CD53: variants seen among roughly 807,000 people sequenced by gnomAD.
CD53 encodes the protein CD53 molecule.
In CD53, 20 loss-of-function variants were observed where a neutral mutation model predicts 27.3. That is an observed-to-expected ratio of 0.73 (90% CI 0.52 to 1.07). The LOEUF (loss-of-function observed/expected upper bound fraction) is 1.07. Ranked by LOEUF, CD53 falls within the 50% of genes least tolerant of loss-of-function variation. CD53 has a pLI of 0.00. For missense variants in CD53, 216 were observed against 264.0 expected (o/e 0.82, Z 1.26); for synonymous variants, 106 against 105.3 (o/e 1.01, Z -0.04).
Position 110,899,111 on chromosome 1 carries a change from A to C in CD53, c.589-13A>C. ...CTTATGAAGACTTCAAATTTTCCCA[A>C]CTCTTTTCACAGGTGTTGGGGATGT... On this transcript the variant is annotated splice_polypyrimidine_tract_variant and intron_variant, in intron 7 of 7. Transcript: ENST00000271324. 6.2e-7 allele frequency: 1 copy of C among 1,611,000 alleles called. No individual in the cohort carries two copies. The highest frequency in any genetic ancestry group is 8.5e-7 in the Non-Finnish European group (1 of 1,178,104).
At chr1:110,895,164 C>T (rs1456859924) in intron 5 of CD53, 109 bp downstream of exon 5, 1 of 774,808 alleles carries the variant, frequency 1.3e-6, no homozygotes, top group East Asian at 2.6e-5. Flanking sequence ...AGGTCCACAT[C>T]CCTGAATCCC....
At chr1:110,875,339 G>C (rs1465891605) in intron 1 of CD53, among the ~76,000 whole-genome samples, 3 of 152,184 alleles carry the variant, frequency 2.0e-5, no homozygotes, top group African/African-American at 7.2e-5. Context: ...CCTAGGTCCA[G>C]CTCTGGGTGG....
intron 1 of CD53, among the ~76,000 whole-genome samples, chr1:110,886,869 A>ATATATATATATATATATATTTTT (rs1298376721): frequency 8.3e-4 from 69 of 82,734 alleles, no homozygotes; most frequent in Non-Finnish European, 1.3e-3. Context: ...ATATATATAT[A>ATATATATATATATATATATTTTT]TTTTTTTTTT....
chr1:110,890,612 C>G lies in CD53; in HGVS notation c.-17-780C>G, dbSNP rs139289690. ...AAGAGAAAGAGAAAGGAAAGGAAAGCGAAAAGGAAAAGTCAAAATTCTGTA... is the reference window on the plus strand; with the variant it reads ...AAGAGAAAGAGAAAGGAAAGGAAAGGGAAAAGGAAAAGTCAAAATTCTGTA... On this transcript the variant is annotated intron_variant, in intron 1 of 7. Coordinates refer to ENST00000271324, the MANE Select transcript of CD53 (RefSeq NM_000560.4). 3.1e-3 allele frequency among the ~76,000 whole-genome samples: 430 copies of G among 136,614 alleles called. 2 individuals are homozygous for G. The highest frequency in any genetic ancestry group is 0.011 in the African/African-American group (414 of 38,706). The allele number at this position is 136,614 out of a possible 152,430, so 89.6% of individuals were successfully genotyped here. A position where few individuals can be genotyped will look rare whatever the true frequency, so the allele number is the denominator to read the frequency against.
At chr1:110,891,733 C>T (rs911726399) in intron 2 of CD53, among the ~76,000 whole-genome samples, 2 of 152,192 alleles carry the variant, frequency 1.3e-5, no homozygotes, top group Non-Finnish European at 2.9e-5. Context: ...CTACTCGTAG[C>T]TAACATATAT....
At chr1:110,894,013 C>T (rs558416542) in intron 3 of CD53, among the ~76,000 whole-genome samples, 62 of 152,294 alleles carry the variant, frequency 4.1e-4, no homozygotes, top group African/African-American at 1.5e-3. Flanking sequence ...TTTTGCTTAA[C>T]TGCTTCAATA....
intron 1 of CD53, among the ~76,000 whole-genome samples, chr1:110,889,374 G>C (rs751339553): frequency 3.3e-4 from 50 of 151,668 alleles, no homozygotes; most frequent in Non-Finnish European, 6.2e-4. Context: ...GGCCAACATG[G>C]TGAAACCCCG....
chr1:110,883,229 T>C (rs571409607), intron 1 of CD53, among the ~76,000 whole-genome samples: 1 of 152,124 alleles, frequency 6.6e-6, no homozygotes, highest in South Asian at 2.1e-4. Context: ...GCATAAGCGT[T>C]CTTCTATTCC....
At chr1:110,892,616 T>G in intron 3 of CD53, 83 bp downstream of exon 3, 2 of 1,103,452 alleles carry the variant, frequency 1.8e-6, no homozygotes, top group South Asian at 1.4e-5. Flanking sequence ...GGTAGATCAC[T>G]TATAGGCACA....
intron 2 of CD53, 144 bp downstream of exon 2, chr1:110,891,615 T>C: frequency 1.5e-6 from 1 of 673,550 alleles, no homozygotes; most frequent in Non-Finnish European, 2.6e-6. Context: ...AACAAAAGAG[T>C]AATAATTTTT....
chr1:110,882,221 T>C (rs776034704), intron 1 of CD53, among the ~76,000 whole-genome samples: 1 of 152,198 alleles, frequency 6.6e-6, no homozygotes, highest in Non-Finnish European at 1.5e-5. Context: ...ATTATAGTTT[T>C]GGATTTTACC....
chr1:110,884,118 G>A (rs538256073), intron 1 of CD53, among the ~76,000 whole-genome samples: 38 of 152,036 alleles, frequency 2.5e-4, no homozygotes, highest in Non-Finnish European at 5.0e-4. Context: ...TCATTAATTT[G>A]AGACCACTTT....
chr1:110,883,582 C>T (rs963311790), intron 1 of CD53, among the ~76,000 whole-genome samples: 1 of 151,896 alleles, frequency 6.6e-6, no homozygotes, highest in African/African-American at 2.4e-5. Flanking sequence ...AGAGTGTACC[C>T]TCCTTTTCTA....
chr1:110,895,017 A>G lies in CD53; in HGVS notation c.385A>G (p.Asn129Asp), dbSNP rs771033538. 14 of 1,613,966 alleles carry G rather than the reference A, an allele frequency of 8.7e-6. No individual in the cohort carries two copies. The highest frequency in any genetic ancestry group is 1.7e-6 in the Non-Finnish European group (2 of 1,179,958). Residue 129 changes from asparagine to aspartate, a missense_variant, in exon 5 of 8, where the codon AAT (asparagine) becomes GAT (aspartate). Asn to Asp is a conservative substitution (Grantham distance 23, BLOSUM62 1). Transcript: ENST00000271324. ...CAGCATCCACCGTTACCACTCAGAC[A>G]ATAGCACCAAGGCAGCGTGGGACTC... ...TDSIHRYHSDNSTKAAWDSIQ... is the reference protein window; with the variant it reads ...TDSIHRYHSDDSTKAAWDSIQ...
At chr1:110,895,972 A>C (rs1451554150) in intron 5 of CD53, among the ~76,000 whole-genome samples, 1 of 152,196 alleles carries the variant, frequency 6.6e-6, no homozygotes, top group Non-Finnish European at 1.5e-5. Flanking sequence ...TCTATAATTA[A>C]ATTTCCCTAA....
upstream of CD53, among the ~76,000 whole-genome samples, chr1:110,872,006 A>T (rs1329078363): frequency 6.6e-6 from 1 of 152,178 alleles, no homozygotes; most frequent in Non-Finnish European, 1.5e-5. Context: ...ATTACTCTGG[A>T]TCTGAATGTC....
rs116156969 is a variant in CD53, at chr1:110,891,609, A to G, written c.63+138A>G. On this transcript the variant is annotated intron_variant, in intron 2 of 7. Coordinates refer to ENST00000271324, the MANE Select transcript of CD53 (RefSeq NM_000560.4). Reference sequence around the variant, plus strand: ...GTCCAGCACAACCATCCTAGAAACAAAAGAGTAATAATTTTTCCCCTCTTC... The same window carrying G: ...GTCCAGCACAACCATCCTAGAAACAGAAGAGTAATAATTTTTCCCCTCTTC... 1,153 of 682,194 alleles carry G rather than the reference A, an allele frequency of 1.7e-3. 8 individuals are homozygous for G. The African/African-American group carries it at 0.018, about 10-fold the overall frequency. 42.3% of individuals were successfully genotyped at this position (682,194 alleles called of 1,614,324 possible).
chr1:110,880,756 C>A (rs1021736284), intron 1 of CD53, among the ~76,000 whole-genome samples: 2 of 152,084 alleles, frequency 1.3e-5, no homozygotes, highest in African/African-American at 4.8e-5. Context: ...TAGATCCTAC[C>A]CTCAAGGAGC....
intron 3 of CD53, among the ~76,000 whole-genome samples, chr1:110,894,095 T>G (rs1190284476): frequency 6.6e-6 from 1 of 152,224 alleles, no homozygotes; most frequent in African/African-American, 2.4e-5. Flanking sequence ...AGTGCTCTGA[T>G]AGGCACAGCA....
Sources: gnomAD v4.1 joint callset for allele counts (sites outside exome capture counted in the v4.1 genomes callset) on GRCh38, gnomAD v4.1.1 for gene constraint, MANE v1.5 for transcripts, NCBI Gene and HGNC (gene_info 2026-07-23, HGNC 2026-07-21) for gene names.